The following ATP7A variants were observed in gnomAD, a reference collection of about 807,000 sequenced individuals.
The protein encoded by ATP7A is ATPase copper transporting alpha, also known as copper-transporting ATPase 1.
ATP7A carries 7 observed loss-of-function variants against 83.5 expected under a neutral mutation model. The observed-to-expected ratio is 0.08, with a 90% CI of 0.05 to 0.16. The LOEUF (loss-of-function observed/expected upper bound fraction) is 0.16. ATP7A is among the 10% of genes least tolerant of loss of function. ATP7A has a pLI of 1.00. For missense variants in ATP7A, 940 were observed against 1,120.8 expected, an observed-to-expected ratio of 0.84 and a Z score of 2.30; for synonymous variants, 354 against 395.2, an observed-to-expected ratio of 0.90 and a Z score of 1.24.
At chrX:77,981,110 A>G (rs2077603328) in intron 2 of ATP7A, among the ~76,000 whole-genome samples, 1 of 111,678 alleles carries the variant, frequency 9.0e-6, no homozygotes, top group Non-Finnish European at 1.9e-5. Flanking sequence ...GTTCCACATC[A>G]ATATACAGAG....
At chrX:78,026,533 A>C (rs781872549) in intron 14 of ATP7A, among the ~76,000 whole-genome samples, 19 of 111,992 alleles carry the variant, frequency 1.7e-4, no homozygotes, top group African/African-American at 5.8e-4. Flanking sequence ...ATCATCAAGG[A>C]CAAAAATTAG....
rs782170618 is a variant in ATP7A, at chrX:78,011,679, G to GTGAAT, written c.2172+8_2172+12dup. The GTGAAT allele has an allele frequency of 1.9e-4, 234 of 1,200,648 alleles. 1 individual carries two copies. The East Asian group carries it at 6.9e-3, about 35-fold the overall frequency. On this transcript the variant is annotated splice_donor_region_variant and intron_variant, in intron 9 of 22. Transcript: ENST00000341514. Reference sequence around the variant, plus strand: ...TTATTGTGTGTACCTGTACAGGCAAGTGAATTGTTAGCAAATATATTTGTT... The same window carrying GTGAAT: ...TTATTGTGTGTACCTGTACAGGCAAGTGAATTGAATTGTTAGCAAATATATTTGTT...
chrX:77,964,530 C>T (rs2077492861), intron 1 of ATP7A: 2 of 110,772 alleles, frequency 1.8e-5, no homozygotes, highest in Non-Finnish European at 3.8e-5. Context: ...CAACCCATCA[C>T]CTACATTAGG....
rs782782660 is a variant in ATP7A at position 78,008,964 on chromosome X, C to T, written c.1708-138C>T. On this transcript the variant is annotated intron_variant, in intron 6 of 22. Coordinates refer to ENST00000341514, the MANE Select transcript of ATP7A (RefSeq NM_000052.7). The stretch of plus-strand genomic sequence containing the variant: ...CTGGAAGGCGGAGGTTGCAGTGAGC[C>T]GAGATCGCACCACTGCATTCCAGCC... 7 of 630,282 alleles carry T rather than the reference C, an allele frequency of 1.1e-5. No homozygotes were observed. In the South Asian group the frequency reaches 1.1e-4, roughly 10 times the overall value. The allele number at this position is 630,282 out of a possible 1,213,427, so 51.9% of individuals were successfully genotyped here.
At chrX:77,989,143 A>G in intron 3 of ATP7A, 90 bp from the exon 4 acceptor site, 5 of 986,193 alleles carry the variant, frequency 5.1e-6, no homozygotes, top group Non-Finnish European at 6.9e-6. Context: ...GAGAGAAACA[A>G]TTATTTGTGG....
At chrX:77,985,872 C>T (rs1475403914) in intron 2 of ATP7A, among the ~76,000 whole-genome samples, 1 of 110,956 alleles carries the variant, frequency 9.0e-6, no homozygotes, top group African/African-American at 3.3e-5. Context: ...CTCCATCTTC[C>T]CCTTTAGTTG....
At chrX:78,023,220 G>A (rs1191502868) in intron 14 of ATP7A, among the ~76,000 whole-genome samples, 1 of 112,129 alleles carries the variant, frequency 8.9e-6, no homozygotes, top group Non-Finnish European at 1.9e-5. Flanking sequence ...CCATGTCTTT[G>A]CTATTGTGAA....
chrX:77,947,364 C>T (rs782037955), intron 1 of ATP7A, among the ~76,000 whole-genome samples: 16 of 111,229 alleles, frequency 1.4e-4, no homozygotes, highest in Admixed American at 2.9e-4. Context: ...CAACAATATG[C>T]ATGTACTTAA....
At chrX:77,973,869 T>A (rs1352277759) in intron 2 of ATP7A, among the ~76,000 whole-genome samples, 1 of 112,077 alleles carries the variant, frequency 8.9e-6, no homozygotes, top group African/African-American at 3.2e-5. Context: ...TTTATGTTGG[T>A]ATTCTTTGAT....
intron 4 of ATP7A, among the ~76,000 whole-genome samples, chrX:77,993,585 G>A (rs782484444): frequency 2.7e-5 from 3 of 111,354 alleles, no homozygotes; most frequent in East Asian, 5.6e-4. Context: ...ACAACATTTC[G>A]ATCAACAATG....
In ATP7A at chrX:78,050,088, A is replaced by T. The variant is rs2078104662; in HGVS notation, c.*3518A>T. 1 of 112,440 alleles carries T rather than the reference A, an allele frequency of 8.9e-6. No individual in the cohort carries two copies. Among genetic ancestry groups the T allele is most frequent in the South Asian group, 3.7e-4 (1 of 2,733 alleles). 9.3% of individuals were successfully genotyped at this position (112,440 alleles called of 1,213,427 possible). On this transcript the variant is annotated 3_prime_UTR_variant, in exon 23 of 23. Transcript: ENST00000341514. ...TGCAGTCCCTCCATCTGGTATGAGT[A>T]ACCAGATAGAGCACAAAGCATGAGT...
chrX:77,984,375 T>C (rs892644106), intron 2 of ATP7A, among the ~76,000 whole-genome samples: 1 of 109,282 alleles, frequency 9.2e-6, no homozygotes, highest in East Asian at 2.9e-4. Context: ...CCGCCCAGCC[T>C]GGAGTGCAGT....
intron 1 of ATP7A, chrX:77,964,048 C>T (rs1482311655): frequency 8.9e-6 from 1 of 112,186 alleles, no homozygotes; most frequent in African/African-American, 3.2e-5. Context: ...AGTGCCTTAT[C>T]AGATTTATGG....
chrX:78,003,275 A>G (rs369039114), intron 6 of ATP7A, 39 bp downstream of exon 6: 2 of 1,152,720 alleles, frequency 1.7e-6, no homozygotes, highest in Non-Finnish European at 2.4e-6. Flanking sequence ...AAACTTCCAG[A>G]AAAAAAACTT....
rs782129043 is a variant in ATP7A at position 78,011,232 on chromosome X, T to A, written c.1926T>A (p.Asp642Glu). The change falls in exon 8 of 23, where the codon GAT (aspartate) becomes GAA (glutamate). Residue 642 changes from aspartate to glutamate, a missense_variant. Asp to Glu is a conservative substitution (Grantham distance 45). Around this residue, in one of 3 missense-constraint regions of ATP7A, gnomAD observed 204 missense variants for 185.8 expected, o/e 1.10. Transcript: ENST00000341514. ...AGGATCGGTCAGCAAGTCACTTAGA[T>A]CATAAACGAGAAATAAGACAGTAAG... ...VKKDRSASHL[D>E]HKREIRQWRR... 9.9e-6 allele frequency: 12 copies of A among 1,209,763 alleles called. No homozygotes were observed. The South Asian group carries it at 2.1e-4, about 21-fold the overall frequency.
chrX:77,967,031 C>T lies in ATP7A; in HGVS notation c.-21-4590C>T, dbSNP rs567310562. 4.2e-4 allele frequency among the ~76,000 whole-genome samples: 47 copies of T among 111,286 alleles called. No individual in the cohort carries two copies. The South Asian group carries it at 5.8e-3, about 14-fold the overall frequency. On this transcript the variant is annotated intron_variant, in intron 1 of 22. Transcript: ENST00000341514. Reference sequence around the variant, plus strand: ...GGTTCTCTGTTCCTGTGTTAGTCTGCTGAGGATGATGGTTTCCAGCTTCAT... The same window carrying T: ...GGTTCTCTGTTCCTGTGTTAGTCTGTTGAGGATGATGGTTTCCAGCTTCAT...
At chrX:77,942,035 T>C (rs2077354053) in intron 1 of ATP7A, among the ~76,000 whole-genome samples, 1 of 112,053 alleles carries the variant, frequency 8.9e-6, no homozygotes, top group Non-Finnish European at 1.9e-5. Flanking sequence ...AAAAGAAAGA[T>C]GTTCTCTCAG....
intron 1 of ATP7A, among the ~76,000 whole-genome samples, chrX:77,958,834 G>T (rs1162103658): frequency 1.0e-5 from 1 of 100,281 alleles, no homozygotes; most frequent in Non-Finnish European, 2.0e-5. Flanking sequence ...TGTCACCCAG[G>T]CTGGAATGCA....
chrX:78,009,196 C>A lies in ATP7A; in HGVS notation c.1802C>A (p.Thr601Asn), dbSNP rs371777895. 4 of 1,210,079 alleles carry A rather than the reference C, an allele frequency of 3.3e-6. No homozygotes were observed. The highest frequency in any genetic ancestry group is 4.5e-6 in the Non-Finnish European group (4 of 894,484). Reference sequence around the variant, plus strand: ...CTATACTGCTCCGTGGCCCTGGCAACCAACAAAGCACATATTAAATATGAC... The same window carrying A: ...CTATACTGCTCCGTGGCCCTGGCAAACAACAAAGCACATATTAAATATGAC... ...GILYCSVALA[T>N]NKAHIKYDPE... Residue 601 changes from threonine to asparagine, a missense_variant, in exon 7 of 23, where the codon ACC becomes AAC. Physicochemically the swap from Thr to Asn is moderately conservative, Grantham distance 65. Coordinates refer to ENST00000341514, the MANE Select transcript of ATP7A (RefSeq NM_000052.7).
Sources: allele counts gnomAD v4.1 joint callset (sites outside exome capture counted in the v4.1 genomes callset), GRCh38; gene constraint gnomAD v4.1.1; regional missense constraint gnomAD v4.1.1; transcripts MANE v1.5; gene names NCBI Gene and HGNC (gene_info 2026-07-23, HGNC 2026-07-21).